LIPC: variants seen among roughly 807,000 people sequenced by gnomAD.
LIPC encodes the protein hepatic triacylglycerol lipase.
Under a neutral mutation model 50.7 loss-of-function variants are expected in LIPC, and 44 were observed. The ratio of observed to expected loss-of-function variants is 0.87; its 90% confidence interval spans 0.68 to 1.11. LIPC has a LOEUF of 1.11. Among genes scored for constraint, LIPC ranks in the 50% most tolerant of loss-of-function variants. The probability of loss-of-function intolerance (pLI) is 0.00; values close to 1 mark genes in which losing one functional copy is unlikely to be tolerated. For missense variants in LIPC, 697 were observed against 648.2 expected (o/e 1.08, Z -0.82); for synonymous variants, 271 against 256.4 (o/e 1.06, Z -0.54).
chr15:58,558,996 G>A (rs1442383863), intron 6 of LIPC, among the ~76,000 whole-genome samples: 1 of 152,182 alleles, frequency 6.6e-6, no homozygotes, highest in Non-Finnish European at 1.5e-5. Context: ...TTATGCCAAG[G>A]ATAGGATTGT....
At chr15:58,520,687 T>C (rs1392012034) in intron 1 of LIPC, among the ~76,000 whole-genome samples, 1 of 152,206 alleles carries the variant, frequency 6.6e-6, no homozygotes, top group Non-Finnish European at 1.5e-5. Flanking sequence ...AGCCGCTGTA[T>C]ACCATCTGCC....
intron 1 of LIPC, among the ~76,000 whole-genome samples, chr15:58,445,492 T>G (rs1893663069): frequency 6.6e-6 from 1 of 151,886 alleles, no homozygotes; most frequent in South Asian, 2.1e-4. Flanking sequence ...ATTAGAAGGG[T>G]GGGATGATGG....
chr15:58,538,350 G>A lies in LIPC; in HGVS notation c.106G>A (p.Ala36Thr). Residue 36 changes from alanine to threonine, a missense_variant, in exon 2 of 9, where the codon GCT becomes ACT. Ala to Thr is a moderately conservative substitution (Grantham distance 58). Coordinates refer to ENST00000299022, the MANE Select transcript of LIPC (RefSeq NM_000236.3). The stretch of plus-strand genomic sequence containing the variant: ...TATTGCAGAGCCATTTGGAAGAAGA[G>A]CTCAAGCTGTTGAAACAAACAAAAC... ...SLKPEPFGRR[A>T]QAVETNKTLH... is the part of the protein sequence containing the mutation. The A allele has an allele frequency of 6.2e-7, 1 of 1,614,202 alleles. No homozygotes were observed. The highest frequency in any genetic ancestry group is 8.5e-7 in the Non-Finnish European group (1 of 1,180,014).
intron 4 of LIPC, among the ~76,000 whole-genome samples, chr15:58,543,803 G>A (rs1346385445): frequency 2.6e-5 from 4 of 151,922 alleles, no homozygotes; most frequent in Non-Finnish European, 4.4e-5. Context: ...TGTATTTTTA[G>A]TAGATACGGG....
At chr15:58,559,492 G>T (rs1390945402) in intron 6 of LIPC, among the ~76,000 whole-genome samples, 2 of 152,126 alleles carry the variant, frequency 1.3e-5, no homozygotes, top group Non-Finnish European at 2.9e-5. Context: ...GCCCGGACAT[G>T]GCCTCAGAAT....
In LIPC at chr15:58,544,391, C is replaced by CTTTTTTTTTTTTTTTTT. The variant is rs572161614; in HGVS notation, c.575-1348_575-1347insTTTTTTTTTTTTTTTTT. Among the ~76,000 whole-genome samples the CTTTTTTTTTTTTTTTTT allele has an allele frequency of 3.6e-5, 4 of 110,272 alleles. 1 individual carries two copies. The highest frequency in any genetic ancestry group is 1.8e-5 in the Non-Finnish European group (1 of 54,442). 72.3% of individuals were successfully genotyped at this position (110,272 alleles called of 152,430 possible). ...CATATCAGGACATTTTTCTTTTTCT[C>CTTTTTTTTTTTTTTTTT]TTTCTTTTTTTTTTTTTTTTTTGAG... is the stretch of plus-strand genomic sequence containing the variant. On this transcript the variant is annotated intron_variant, in intron 4 of 8. Transcript: ENST00000299022.
chr15:58,557,319 G>A (rs1893985558), intron 6 of LIPC, among the ~76,000 whole-genome samples: 1 of 149,074 alleles, frequency 6.7e-6, no homozygotes, highest in Non-Finnish European at 1.5e-5. Context: ...CAAAGCACTT[G>A]GCAAAAACCA....
intron 8 of LIPC, among the ~76,000 whole-genome samples, chr15:58,564,906 T>C (rs1389922591): frequency 6.6e-6 from 1 of 152,070 alleles, no homozygotes; most frequent in Non-Finnish European, 1.5e-5. Context: ...CTCTCTTCCC[T>C]TCTCTATTCA....
rs114189657 is a variant in LIPC at position 58,553,069 on chromosome 15, G to A, written c.1051+4497G>A. Among the ~76,000 whole-genome samples the A allele has an allele frequency of 9.0e-3, 1,375 of 152,264 alleles. 24 individuals are homozygous for A. The highest frequency in any genetic ancestry group is 0.031 in the African/African-American group (1,303 of 41,528). On this transcript the variant is annotated intron_variant, in intron 6 of 8. Transcript: ENST00000299022. ...GACACTACAAGAAAGTTCCTAACCT[G>A]CATTCACAGATGAGGAAATCGAGCC...
At chr15:58,490,635 A>C (rs1271327451) in intron 1 of LIPC, among the ~76,000 whole-genome samples, 2 of 152,018 alleles carry the variant, frequency 1.3e-5, no homozygotes, top group African/African-American at 4.8e-5. Context: ...CTAATCTGCC[A>C]CTCTCCAGTG....
chr15:58,457,143 C>G (rs1320325513), intron 1 of LIPC, among the ~76,000 whole-genome samples: 3 of 152,174 alleles, frequency 2.0e-5, no homozygotes, highest in African/African-American at 7.2e-5. Flanking sequence ...GAGTTTCACT[C>G]TTGTTGCCCA....
chr15:58,565,250 A>T, intron 8 of LIPC: 1 of 1,535,120 alleles, frequency 6.5e-7, no homozygotes, highest in East Asian at 2.4e-5. Context: ...TTCTCACATG[A>T]CTCTTTGGCC....
At chr15:58,551,488 C>T (rs995558806) in intron 6 of LIPC, among the ~76,000 whole-genome samples, 5 of 152,178 alleles carry the variant, frequency 3.3e-5, no homozygotes, top group African/African-American at 9.7e-5. Context: ...TGCTCAAATA[C>T]GTGGCTGCTG....
chr15:58,568,764 C>A lies in LIPC; in HGVS notation c.1437C>A (p.Thr479=), dbSNP rs6074. ...CAGATGACCTACTACTTCGCCCAAC[C>A]CAGGAAAAAATCTTCGTGAAATGTG... ...ENTDDLLLRP[T]QEKIFVKCEI... The change falls in exon 9 of 9, where the codon ACC becomes ACA. Residue 479 remains threonine, a synonymous_variant. Coordinates refer to ENST00000299022, the MANE Select transcript of LIPC (RefSeq NM_000236.3). 0.16 allele frequency: 261,962 copies of A among 1,608,476 alleles called. 24,583 individuals carry two copies. The highest frequency in any genetic ancestry group is 0.34 in the South Asian group (30,786 of 90,686).
In LIPC at chr15:58,568,958, G is replaced by T; in HGVS notation, c.*131G>T. On this transcript the variant is annotated 3_prime_UTR_variant, in exon 9 of 9. Coordinates refer to ENST00000299022, the MANE Select transcript of LIPC (RefSeq NM_000236.3). ...TAAATAAAGTTTAGATTTAAGGGGG[G>T]TATGTTTCACTCTCATAAACTGAGC... is the stretch of plus-strand genomic sequence containing the variant. 1.0e-5 allele frequency: 6 copies of T among 596,866 alleles called. 1 individual carries two copies. In the South Asian group the frequency reaches 1.1e-4, roughly 11 times the overall value. The allele number at this position is 596,866 out of a possible 1,614,324, so 37.0% of individuals were successfully genotyped here.
intron 1 of LIPC, among the ~76,000 whole-genome samples, chr15:58,510,608 A>C (rs1427724782): frequency 1.3e-5 from 2 of 152,268 alleles, no homozygotes; most frequent in Non-Finnish European, 2.9e-5. Flanking sequence ...AGCAACTAAG[A>C]GTAGGAGAAA....
At chr15:58,475,434 G>A (rs1890957667) in intron 1 of LIPC, among the ~76,000 whole-genome samples, 1 of 152,184 alleles carries the variant, frequency 6.6e-6, no homozygotes, top group African/African-American at 2.4e-5. Context: ...GTCCTGCAGT[G>A]TCCTGAATAT....
intron 1 of LIPC, among the ~76,000 whole-genome samples, chr15:58,453,316 G>A (rs16940327): frequency 0.035 from 5,389 of 152,006 alleles, 329 homozygotes; most frequent in African/African-American, 0.12. Context: ...GAATAGCAAC[G>A]TCTCAGCCAG....
intron 6 of LIPC, among the ~76,000 whole-genome samples, chr15:58,557,220 A>G (rs1893983016): frequency 6.6e-6 from 1 of 152,152 alleles, no homozygotes; most frequent in Admixed American, 6.5e-5. Flanking sequence ...GAGAAAAGTC[A>G]CTTAACTTCT....
Sources: gnomAD v4.1 joint callset for allele counts (sites outside exome capture counted in the v4.1 genomes callset) on GRCh38, gnomAD v4.1.1 for gene constraint, MANE v1.5 for transcripts, NCBI Gene and HGNC (gene_info 2026-07-23, HGNC 2026-07-21) for gene names.